PCDH11Y: variants seen among roughly 807,000 people sequenced by gnomAD.
The protein encoded by PCDH11Y is protocadherin-11 Y-linked.
For missense variants in PCDH11Y, 12 were observed against 224.8 expected (o/e 0.05, Z 6.05); for synonymous variants, 9 against 83.6 (o/e 0.11, Z 4.87).
intron 2 of PCDH11Y, among the ~76,000 whole-genome samples, chrY:5,246,795 TAA>T (rs2052996366): frequency 3.1e-5 from 1 of 32,617 alleles, no homozygotes; most frequent in African/African-American, 1.2e-4. Flanking sequence ...GCAAATTGGA[TAA>T]AGAGTCAAGA....
chrY:5,235,829 G>T (rs2124654361), intron 2 of PCDH11Y, among the ~76,000 whole-genome samples: 1 of 33,320 alleles, frequency 3.0e-5, no homozygotes, highest in Non-Finnish European at 7.5e-5. Context: ...TAAGCTCTTT[G>T]AGTAATTTCC....
intron 2 of PCDH11Y, among the ~76,000 whole-genome samples, chrY:5,446,870 G>GCAGCAGCAGCAA (rs2053288038): frequency 3.0e-5 from 1 of 33,242 alleles, no homozygotes; most frequent in African/African-American, 1.2e-4. Flanking sequence ...TACTAAAACA[G>GCAGCAGCAGCAA]CAGCAGCAGC....
chrY:5,520,177 C>T, intron 3 of PCDH11Y, among the ~76,000 whole-genome samples: 3 of 27,724 alleles, frequency 1.1e-4, no homozygotes, highest in Admixed American at 1.0e-3. Context: ...CGAGATCGCG[C>T]CACTGCACTC....
intron 2 of PCDH11Y, among the ~76,000 whole-genome samples, chrY:5,360,198 T>G: frequency 3.1e-5 from 1 of 32,179 alleles, no homozygotes; most frequent in African/African-American, 1.2e-4. Context: ...TAAATATTAT[T>G]GTGAACACTG....
downstream of PCDH11Y, among the ~76,000 whole-genome samples, chrY:5,108,986 A>T (rs2124638642): frequency 3.1e-5 from 1 of 32,056 alleles, no homozygotes; most frequent in East Asian, 8.2e-4. Flanking sequence ...GAAGCACTAC[A>T]GGACAAGCAG....
chrY:5,696,039 T>G, intron 4 of PCDH11Y, among the ~76,000 whole-genome samples: 1 of 33,504 alleles, frequency 3.0e-5, no homozygotes, highest in Non-Finnish European at 7.4e-5. Context: ...ACTGAAATAT[T>G]TCCTGTAACA....
chrY:5,354,635 T>C (rs2053163825), intron 2 of PCDH11Y, among the ~76,000 whole-genome samples: 1 of 32,930 alleles, frequency 3.0e-5, no homozygotes, highest in South Asian at 6.7e-4. Flanking sequence ...TGATTTTTCT[T>C]ATTGTAATAT....
intron 1 of PCDH11Y, among the ~76,000 whole-genome samples, chrY:5,059,200 G>T: frequency 6.1e-5 from 2 of 32,886 alleles, no homozygotes; most frequent in African/African-American, 2.4e-4. Flanking sequence ...AGAATTTTCT[G>T]CAAGGACGGT....
intron 3 of PCDH11Y, among the ~76,000 whole-genome samples, chrY:5,519,073 C>G (rs113543841): frequency 0.056 from 1,760 of 31,284 alleles, no homozygotes; most frequent in South Asian, 0.27. Flanking sequence ...ACAAACACCT[C>G]TTACAACAGA....
chrY:5,393,505 T>C, intron 2 of PCDH11Y, among the ~76,000 whole-genome samples: 1 of 27,057 alleles, frequency 3.7e-5, no homozygotes, highest in Non-Finnish European at 8.5e-5. Context: ...TTGGGCAACA[T>C]AGTGAGACCT....
At chrY:5,397,251 T>A in intron 2 of PCDH11Y, among the ~76,000 whole-genome samples, 2 of 32,855 alleles carry the variant, frequency 6.1e-5, no homozygotes, top group Admixed American at 5.7e-4. Flanking sequence ...CATTCCTAAG[T>A]AAATATTTAT....
At chrY:5,478,750 T>C in intron 2 of PCDH11Y, among the ~76,000 whole-genome samples, 3 of 33,353 alleles carry the variant, frequency 9.0e-5, no homozygotes, top group African/African-American at 1.2e-4. Flanking sequence ...TCTTGTTGCA[T>C]TGATCCCTTT....
intron 4 of PCDH11Y, among the ~76,000 whole-genome samples, chrY:5,655,078 A>G: frequency 3.2e-5 from 1 of 31,736 alleles, no homozygotes; most frequent in Non-Finnish European, 7.6e-5. Flanking sequence ...CCTATCCTAA[A>G]ATTGACAAAA....
intron 4 of PCDH11Y, among the ~76,000 whole-genome samples, chrY:5,712,208 T>G: frequency 3.1e-5 from 1 of 32,314 alleles, no homozygotes; most frequent in Non-Finnish European, 7.6e-5. Context: ...TTGGTGTAAA[T>G]TAGGCAGGTC....
At chrY:5,286,763 G>A in intron 2 of PCDH11Y, among the ~76,000 whole-genome samples, 1 of 33,007 alleles carries the variant, frequency 3.0e-5, no homozygotes, top group South Asian at 6.9e-4. Context: ...TTTTGCTGAA[G>A]TTGTTTATCA....
At chrY:5,485,204 A>G in intron 2 of PCDH11Y, among the ~76,000 whole-genome samples, 15 of 33,496 alleles carry the variant, frequency 4.5e-4, no homozygotes, top group Admixed American at 3.5e-3. Context: ...GAAATTAGGA[A>G]GTAGGCTTTT....
chrY:5,433,793 A>G (rs1206202614), intron 2 of PCDH11Y, among the ~76,000 whole-genome samples: 449 of 31,933 alleles, frequency 0.014, no homozygotes, highest in Non-Finnish European at 0.025. Flanking sequence ...GCCTGCCTTC[A>G]TTATCTTCTA....
At chrY:5,357,235 G>GTA (rs2053168513) in intron 2 of PCDH11Y, among the ~76,000 whole-genome samples, 14 of 15,727 alleles carry the variant, frequency 8.9e-4, no homozygotes, top group Admixed American at 1.4e-3. Flanking sequence ...ATATATACGT[G>GTA]TATATATATA....
At chrY:5,193,612 T>C (rs2052914963) in intron 2 of PCDH11Y, among the ~76,000 whole-genome samples, 1 of 33,228 alleles carries the variant, frequency 3.0e-5, no homozygotes, top group Admixed American at 2.8e-4. Context: ...GTCCGAAATC[T>C]TACTTTTAGC....
Sources: allele counts gnomAD v4.1 joint callset (sites outside exome capture counted in the v4.1 genomes callset), GRCh38; gene constraint gnomAD v4.1.1; transcripts MANE v1.5; gene names NCBI Gene and HGNC (gene_info 2026-07-23, HGNC 2026-07-21).